IQGAP2: variants seen among roughly 807,000 people sequenced by gnomAD.
IQGAP2 encodes the protein ras GTPase-activating-like protein IQGAP2.
IQGAP2 carries 173 observed loss-of-function variants against 201.3 expected under a neutral mutation model. That is an observed-to-expected ratio of 0.86 (90% CI 0.76 to 0.98). The LOEUF is 0.98. IQGAP2 is among the 50% of genes least tolerant of loss of function. The pLI is 0.00. For synonymous variants in IQGAP2, 675 were observed against 673.9 expected (o/e 1.00, Z -0.03); for missense variants, 1,687 against 1,864.8 (o/e 0.90, Z 1.76).
intron 16 of IQGAP2, among the ~76,000 whole-genome samples, chr5:76,638,646 G>A (rs1751334012): frequency 6.6e-6 from 1 of 152,154 alleles, no homozygotes. Context: ...TTCAGTTCTA[G>A]GTCACTGAAT....
At chr5:76,573,260 G>A (rs1175060697) in intron 4 of IQGAP2, among the ~76,000 whole-genome samples, 1 of 152,196 alleles carries the variant, frequency 6.6e-6, no homozygotes. Context: ...TGGTGTTATA[G>A]AGCAGATTTT....
intron 1 of IQGAP2, among the ~76,000 whole-genome samples, chr5:76,451,969 G>A (rs1004069228): frequency 6.6e-6 from 1 of 152,102 alleles, no homozygotes; most frequent in Non-Finnish European, 1.5e-5. Flanking sequence ...CTCAGGAGGT[G>A]GAGGTTGCAG....
intron 2 of IQGAP2, among the ~76,000 whole-genome samples, chr5:76,466,165 G>A (rs1018991572): frequency 2.6e-5 from 4 of 151,582 alleles, no homozygotes; most frequent in Non-Finnish European, 5.9e-5. Context: ...GCGAAACCCT[G>A]TCTCTGCAAA....
At chr5:76,577,019 A>G (rs1745513402) in intron 5 of IQGAP2, among the ~76,000 whole-genome samples, 2 of 152,210 alleles carry the variant, frequency 1.3e-5, no homozygotes, top group South Asian at 4.1e-4. Context: ...TCTTAGAATG[A>G]TAACACTATA....
At chr5:76,495,413 C>G (rs565660362) in intron 2 of IQGAP2, among the ~76,000 whole-genome samples, 179 of 152,310 alleles carry the variant, frequency 1.2e-3, no homozygotes, top group Non-Finnish European at 1.6e-3. Context: ...CAGAATTGCT[C>G]AGGTGACTCA....
chr5:76,431,178 A>G (rs1163812555), intron 1 of IQGAP2, among the ~76,000 whole-genome samples: 1 of 152,050 alleles, frequency 6.6e-6, no homozygotes, highest in African/African-American at 2.4e-5. Context: ...GGTAATAGGA[A>G]GGAGAACCCA....
Position 76,637,129 on chromosome 5 carries a change from G to A in IQGAP2, c.1876G>A (p.Glu626Lys). ...AAAAGAGAGTTCCTGGGTCACACCT[G>A]AATCATGCTTGTATAAAGAATCATG... Reference protein sequence around the residue: ...DSKESSWVTPESCLYKESWLT... With the variant: ...DSKESSWVTPKSCLYKESWLT... Residue 626 changes from glutamate (E) to lysine (K), a missense_variant, in exon 16 of 36, where the codon GAA (glutamate) becomes AAA (lysine). Physicochemically the swap from Glu to Lys is moderately conservative, Grantham distance 56. Transcript: ENST00000274364. 4 of 1,611,526 alleles carry A rather than the reference G, an allele frequency of 2.5e-6. No homozygotes were observed. Among genetic ancestry groups the A allele is most frequent in the Non-Finnish European group, 2.5e-6 (3 of 1,178,658 alleles).
At chr5:76,598,907 A>T (rs1226769792) in intron 10 of IQGAP2, among the ~76,000 whole-genome samples, 1 of 152,214 alleles carries the variant, frequency 6.6e-6, no homozygotes, top group Non-Finnish European at 1.5e-5. Context: ...ATCCATACTA[A>T]TATTAAGTGG....
At chr5:76,575,819 A>C (rs1342867338) in intron 5 of IQGAP2, 50 bp downstream of exon 5, 2 of 1,057,590 alleles carry the variant, frequency 1.9e-6, no homozygotes. Flanking sequence ...GATTTAAATA[A>C]AACTAAAATT....
intron 17 of IQGAP2, among the ~76,000 whole-genome samples, chr5:76,646,944 C>T (rs1374709708): frequency 2.0e-5 from 3 of 152,070 alleles, no homozygotes; most frequent in Non-Finnish European, 1.5e-5. Flanking sequence ...CATTTTATAA[C>T]TAGTCACCAG....
In IQGAP2 at chr5:76,702,502, A is replaced by G; in HGVS notation, c.4526A>G (p.Asp1509Gly). The G allele has an allele frequency of 6.4e-7, 1 of 1,555,604 alleles. No homozygotes were observed. Among genetic ancestry groups the G allele is most frequent in the African/African-American group, 1.4e-5 (1 of 73,914 alleles). The change falls in exon 35 of 36, where the codon GAT becomes GGT. Residue 1509 changes from aspartate (D) to glycine (G), a missense_variant. Physicochemically the swap from Asp to Gly is moderately conservative, Grantham distance 94. Coordinates refer to ENST00000274364, the MANE Select transcript of IQGAP2 (RefSeq NM_006633.5). ...QTNQFKNVTF[D>G]IIATEDVGIF... ...CACAGGTTTAAGAATGTTACATTTG[A>G]TATCATAGCTACTGAAGATGTAGGC...
At chr5:76,690,124 C>T (rs553955952) in intron 30 of IQGAP2, among the ~76,000 whole-genome samples, 30 of 152,224 alleles carry the variant, frequency 2.0e-4, no homozygotes, top group African/African-American at 5.5e-4. Flanking sequence ...AGAGCCCTGG[C>T]GCCAGTACTC....
At chr5:76,429,860 G>GAC (rs56031811) in intron 1 of IQGAP2, among the ~76,000 whole-genome samples, 4,873 of 144,598 alleles carry the variant, frequency 0.034, 233 homozygotes, top group African/African-American at 0.11. Context: ...AGGAGACACA[G>GAC]ACACACACAC....
intron 1 of IQGAP2, among the ~76,000 whole-genome samples, chr5:76,420,245 TTGTA>T (rs1189815616): frequency 7.9e-5 from 12 of 152,332 alleles, no homozygotes; most frequent in African/African-American, 2.6e-4. Context: ...CCTACTTTAT[TTGTA>T]TGTGTTTTTT....
rs1008095274 is a variant in IQGAP2 at position 76,461,632 on chromosome 5, G to C, written c.109G>C (p.Ala37Pro). The part of the protein sequence containing the change: ...EMDERRRQNI[A>P]YEYLCHLEEA... ...GGATGAGAGGAGGCGGCAGAACATT[G>C]CTTATGAATATCTGTGCCACTTAGA... Residue 37 changes from alanine to proline, a missense_variant, in exon 2 of 36, where the codon GCT (alanine) becomes CCT (proline). Ala to Pro is a conservative substitution (Grantham distance 27). Transcript: ENST00000274364. The C allele has an allele frequency of 6.2e-7, 1 of 1,614,006 alleles. No homozygotes were observed. Among genetic ancestry groups the C allele is most frequent in the Non-Finnish European group, 8.5e-7 (1 of 1,179,870 alleles).
At chr5:76,457,045 A>G (rs1465713095) in intron 1 of IQGAP2, among the ~76,000 whole-genome samples, 2 of 152,116 alleles carry the variant, frequency 1.3e-5, no homozygotes, top group African/African-American at 4.8e-5. Context: ...GCTGGAATAC[A>G]GTGGCGCGAT....
chr5:76,503,264 C>T (rs1298222290), intron 2 of IQGAP2, among the ~76,000 whole-genome samples: 3 of 150,752 alleles, frequency 2.0e-5, no homozygotes, highest in Non-Finnish European at 4.4e-5. Flanking sequence ...ACCTCCCCCT[C>T]CCGGGTTCAA....
intron 30 of IQGAP2, among the ~76,000 whole-genome samples, chr5:76,686,542 C>A (rs1745770528): frequency 6.6e-6 from 1 of 152,114 alleles, no homozygotes; most frequent in Non-Finnish European, 1.5e-5. Flanking sequence ...CAGCGTCTCG[C>A]TCTGTCGCCC....
intron 13 of IQGAP2, among the ~76,000 whole-genome samples, chr5:76,627,012 G>T (rs1223898600): frequency 1.4e-5 from 2 of 147,850 alleles, no homozygotes; most frequent in East Asian, 4.0e-4. Flanking sequence ...AAGGCACCCT[G>T]TGTTTCCTTC....
Sources: gnomAD v4.1 joint callset for allele counts (sites outside exome capture counted in the v4.1 genomes callset) on GRCh38, gnomAD v4.1.1 for gene constraint, MANE v1.5 for transcripts, NCBI Gene and HGNC (gene_info 2026-07-23, HGNC 2026-07-21) for gene names.